Variants in SOX5 observed in about 807,000 individuals in gnomAD.
SOX5 encodes SRY-box transcription factor 5.
A neutral mutation model predicts 92.0 loss-of-function variants in SOX5; 9 were observed. The observed-to-expected ratio is 0.10, with a 90% CI of 0.06 to 0.17. The LOEUF is 0.17. Ranked by LOEUF, SOX5 falls within the 10% of genes least tolerant of loss-of-function variation. The probability of loss-of-function intolerance (pLI) is 1.00; values close to 1 mark genes in which losing one functional copy is unlikely to be tolerated. For synonymous variants in SOX5, 344 were observed against 336.3 expected (o/e 1.02, Z -0.25); for missense variants, 642 against 944.5 (o/e 0.68, Z 4.20).
At chr12:24,046,224 G>C (rs182298562) in intron 4 of SOX5, among the ~76,000 whole-genome samples, 1 of 152,002 alleles carries the variant, frequency 6.6e-6, no homozygotes, top group Non-Finnish European at 1.5e-5. Flanking sequence ...TAACCACAGT[G>C]GGGTGGGCAA....
chr12:24,244,002 A>G (rs1212046796), intron 3 of SOX5, among the ~76,000 whole-genome samples: 1 of 151,778 alleles, frequency 6.6e-6, no homozygotes, highest in Non-Finnish European at 1.5e-5. Flanking sequence ...CAAGGTAACC[A>G]CTGATCACGT....
chr12:23,762,223 C>A (rs932723300), intron 3 of SOX5, among the ~76,000 whole-genome samples: 10 of 152,054 alleles, frequency 6.6e-5, no homozygotes, highest in African/African-American at 2.4e-4. Context: ...ACTGGACATA[C>A]CAAGTTCTTC....
In SOX5 at chr12:24,227,451, A is replaced by G. The variant is rs533546822; in HGVS notation, c.-76-14034T>C. On this transcript the variant is annotated intron_variant, in intron 3 of 4. Coordinates refer to the SOX5 transcript ENST00000446891. ...TTTTACCCTTGAAGTGGACTGAAAT[A>G]TCACTAATGGTGAGAGGAAAGCTCA... 5.3e-5 allele frequency: 8 copies of G among 152,348 alleles called. No individual in the cohort carries two copies. The Middle Eastern group carries it at 0.017, about 324-fold the overall frequency. The allele number at this position is 152,348 out of a possible 1,614,324, so 9.4% of individuals were successfully genotyped here. A position where few individuals can be genotyped will look rare whatever the true frequency, so the allele number is the denominator to read the frequency against.
intron 2 of SOX5, among the ~76,000 whole-genome samples, chr12:23,865,618 T>C (rs947742297): frequency 2.7e-5 from 4 of 150,878 alleles, no homozygotes; most frequent in African/African-American, 9.8e-5. Flanking sequence ...GAGGTTGCAG[T>C]GAGCCGAGAT....
rs1270249342 is a variant in SOX5, at chr12:24,145,177, A to G, written c.-2+68166T>C. On this transcript the variant is annotated intron_variant, in intron 4 of 4. Coordinates refer to the SOX5 transcript ENST00000446891. ...TGTATCGACTATAAATCCTAAAGCAATGCTATGACAACAAACAAGTAGTTC... is the reference window on the plus strand; with the variant it reads ...TGTATCGACTATAAATCCTAAAGCAGTGCTATGACAACAAACAAGTAGTTC... Among the ~76,000 whole-genome samples the G allele has an allele frequency of 3.9e-5, 6 of 152,186 alleles. No individual in the cohort carries two copies. In the East Asian group the frequency reaches 1.2e-3, roughly 29 times the overall value.
At chr12:23,884,653 G>A (rs890672673) in intron 2 of SOX5, among the ~76,000 whole-genome samples, 1 of 152,158 alleles carries the variant, frequency 6.6e-6, no homozygotes, top group Non-Finnish European at 1.5e-5. Context: ...TTATATGAGT[G>A]CAGAAACTGA....
At chr12:23,958,314 C>T (rs1274924092) in intron 4 of SOX5, among the ~76,000 whole-genome samples, 3 of 152,076 alleles carry the variant, frequency 2.0e-5, no homozygotes, top group African/African-American at 7.2e-5. Context: ...AGAATCAATA[C>T]ACTTAATGGT....
chr12:23,804,915 T>TTTATATA (rs1168376435), intron 3 of SOX5, among the ~76,000 whole-genome samples: 1 of 75,048 alleles, frequency 1.3e-5, no homozygotes, highest in African/African-American at 5.1e-5. Context: ...TATCATTGTT[T>TTTATATA]TATATATATA....
chr12:23,705,315 A>G (rs2091246418), intron 6 of SOX5, among the ~76,000 whole-genome samples: 2 of 152,060 alleles, frequency 1.3e-5, no homozygotes, highest in Non-Finnish European at 2.9e-5. Context: ...GATCTCACAC[A>G]TTCATCTTCT....
chr12:23,863,847 A>AATAAAG (rs1318911723), intron 2 of SOX5, among the ~76,000 whole-genome samples: 1 of 149,568 alleles, frequency 6.7e-6, no homozygotes, highest in African/African-American at 2.5e-5. Flanking sequence ...CACACTCTGA[A>AATAAAG]ATAAAGTATG....
intron 4 of SOX5, among the ~76,000 whole-genome samples, chr12:24,207,149 A>G (rs939974852): frequency 4.6e-5 from 7 of 152,250 alleles, no homozygotes; most frequent in African/African-American, 1.7e-4. Context: ...TGTGAGTTAA[A>G]TATTTTACTG....
chr12:23,534,011 G>A lies in SOX5; in HGVS notation c.*208C>T, dbSNP rs1239031140. 2 of 500,306 alleles carry A rather than the reference G, an allele frequency of 4.0e-6. No homozygotes were observed. The highest frequency in any genetic ancestry group is 7.1e-6 in the Non-Finnish European group (2 of 280,648). The allele number at this position is 500,306 out of a possible 1,614,324, so 31.0% of individuals were successfully genotyped here. On this transcript the variant is annotated 3_prime_UTR_variant, in exon 15 of 15. Coordinates refer to ENST00000451604, the MANE Select transcript of SOX5 (RefSeq NM_006940.6). ...TAGCTTATTTCAATCTCTTGTTGTT[G>A]ATATTGTTGTTTGCTTGTTGTATTT... is the stretch of plus-strand genomic sequence containing the variant.
intron 13 of SOX5, among the ~76,000 whole-genome samples, chr12:23,537,716 CA>C (rs1188246067): frequency 6.6e-6 from 1 of 151,592 alleles, no homozygotes; most frequent in Non-Finnish European, 1.5e-5. Context: ...TGCTAATTCA[CA>C]TTTTAGATAT....
chr12:23,709,981 T>C (rs1472802777), intron 6 of SOX5, among the ~76,000 whole-genome samples: 1 of 152,216 alleles, frequency 6.6e-6, no homozygotes, highest in Non-Finnish European at 1.5e-5. Flanking sequence ...ATGGACTGTT[T>C]TGGCATTTTC....
intron 3 of SOX5, among the ~76,000 whole-genome samples, chr12:23,826,184 C>G (rs549376893): frequency 2.0e-4 from 30 of 150,224 alleles, no homozygotes; most frequent in Middle Eastern, 3.4e-3. Flanking sequence ...CTCCCCCTAC[C>G]CCACAACAGG....
chr12:23,963,182 C>A (rs1426666769), intron 4 of SOX5, among the ~76,000 whole-genome samples: 1 of 152,048 alleles, frequency 6.6e-6, no homozygotes, highest in East Asian at 1.9e-4. Flanking sequence ...ACCAAAAACC[C>A]AAATAACCTC....
intron 8 of SOX5, among the ~76,000 whole-genome samples, chr12:23,607,790 T>C (rs552441965): frequency 6.6e-6 from 1 of 152,304 alleles, no homozygotes; most frequent in Admixed American, 6.5e-5. Flanking sequence ...CTTATGTTTG[T>C]ACGTATGTAT....
At chr12:24,152,918 T>C (rs1161084644) in intron 4 of SOX5, among the ~76,000 whole-genome samples, 1 of 152,176 alleles carries the variant, frequency 6.6e-6, no homozygotes, top group Non-Finnish European at 1.5e-5. Flanking sequence ...AATGTTTAAT[T>C]AGCTCTGTTT....
At chr12:24,260,253 T>A (rs1191471963) in intron 3 of SOX5, among the ~76,000 whole-genome samples, 1 of 152,182 alleles carries the variant, frequency 6.6e-6, no homozygotes, top group Non-Finnish European at 1.5e-5. Context: ...ATGGGTGACC[T>A]GTTAATCAGG....
Sources: gnomAD v4.1 joint callset for allele counts (sites outside exome capture counted in the v4.1 genomes callset) on GRCh38, gnomAD v4.1.1 for gene constraint, MANE v1.5 for transcripts, NCBI Gene and HGNC (gene_info 2026-07-23, HGNC 2026-07-21) for gene names.